IKZF2: variants seen among roughly 807,000 people sequenced by gnomAD.
The protein encoded by IKZF2 is zinc finger protein Helios.
A neutral mutation model predicts 49.2 loss-of-function variants in IKZF2; 15 were observed. The observed-to-expected ratio is 0.30, with a 90% confidence interval of 0.20 to 0.47. The LOEUF (loss-of-function observed/expected upper bound fraction) is 0.47, where lower values mean the gene tolerates loss of function less well. Ranked by LOEUF, IKZF2 falls within the 20% of genes least tolerant of loss-of-function variation. The probability of loss-of-function intolerance (pLI) is 1.00; values close to 1 mark genes in which losing one functional copy is unlikely to be tolerated. For missense variants in IKZF2, 567 were observed against 664.6 expected (o/e 0.85, Z 1.61); for synonymous variants, 227 against 221.4 (o/e 1.03, Z -0.23).
chr2:213,130,693 T>C (rs182153372), intron 4 of IKZF2, among the ~76,000 whole-genome samples: 3 of 152,318 alleles, frequency 2.0e-5, no homozygotes, highest in African/African-American at 7.2e-5. Context: ...CTACTAAAAA[T>C]ATATGGATAC....
chr2:213,012,893 A>G (rs889780763), intron 8 of IKZF2, among the ~76,000 whole-genome samples: 3 of 152,060 alleles, frequency 2.0e-5, no homozygotes, highest in Non-Finnish European at 4.4e-5. Context: ...ATAGATATAT[A>G]TACAATGAAT....
intron 4 of IKZF2, among the ~76,000 whole-genome samples, chr2:213,104,899 A>AG (rs1243833659): frequency 6.6e-6 from 1 of 152,218 alleles, no homozygotes; most frequent in African/African-American, 2.4e-5. Flanking sequence ...GAAATCAGAA[A>AG]GACATTCACA....
At chr2:213,126,288 T>A (rs1043752244) in intron 4 of IKZF2, among the ~76,000 whole-genome samples, 1 of 152,182 alleles carries the variant, frequency 6.6e-6, no homozygotes, top group African/African-American at 2.4e-5. Flanking sequence ...TTTTCCCATT[T>A]CTTCACACCC....
chr2:213,146,047 C>T (rs553179825), intron 4 of IKZF2, among the ~76,000 whole-genome samples: 1 of 152,186 alleles, frequency 6.6e-6, no homozygotes, highest in East Asian at 1.9e-4. Context: ...AACCACTTGA[C>T]AAGCATTTTC....
At chr2:213,065,733 T>C (rs1441355457) in intron 4 of IKZF2, among the ~76,000 whole-genome samples, 1 of 151,950 alleles carries the variant, frequency 6.6e-6, no homozygotes, top group Non-Finnish European at 1.5e-5. Flanking sequence ...CATACAAATA[T>C]TGAGAGTCAG....
chr2:213,050,883 A>C (rs1236213391), intron 5 of IKZF2, among the ~76,000 whole-genome samples: 4 of 152,084 alleles, frequency 2.6e-5, no homozygotes, highest in Non-Finnish European at 5.9e-5. Context: ...ATATACATGA[A>C]ATAAAATAAA....
At chr2:213,066,792 A>G (rs1702207113) in intron 4 of IKZF2, among the ~76,000 whole-genome samples, 1 of 152,088 alleles carries the variant, frequency 6.6e-6, no homozygotes, top group African/African-American at 2.4e-5. Context: ...GGATTACAGA[A>G]TGCATATAAT....
At chr2:213,060,856 C>G (rs1214654117) in intron 4 of IKZF2, among the ~76,000 whole-genome samples, 1 of 151,048 alleles carries the variant, frequency 6.6e-6, no homozygotes, top group East Asian at 1.9e-4. Flanking sequence ...GGTTTGTGAA[C>G]ACAAGGAAAG....
In IKZF2 at chr2:213,108,064, G is replaced by A. The variant is rs1176992130; in HGVS notation, c.139+39644C>T. Among the ~76,000 whole-genome samples the A allele has an allele frequency of 4.6e-5, 7 of 152,208 alleles. No individual in the cohort carries two copies. In the East Asian group the frequency reaches 7.7e-4, roughly 17 times the overall value. On this transcript the variant is annotated intron_variant, in intron 4 of 8. Transcript: ENST00000434687. ...GTCAATGTAAACTTGGGAAAAAAAC[G>A]ATTGAAATTACTATGGAGCAACCCA...
At chr2:213,146,571 T>C (rs2061067333) in intron 4 of IKZF2, among the ~76,000 whole-genome samples, 5 of 151,982 alleles carry the variant, frequency 3.3e-5, no homozygotes, top group Admixed American at 3.3e-4. Flanking sequence ...TTCAATGGTA[T>C]TCTATATAAA....
chr2:213,126,512 A>G (rs954177987), intron 4 of IKZF2, among the ~76,000 whole-genome samples: 1 of 152,212 alleles, frequency 6.6e-6, no homozygotes, highest in Non-Finnish European at 1.5e-5. Flanking sequence ...CTGACCATAT[A>G]GAGTTGGTAA....
intron 4 of IKZF2, among the ~76,000 whole-genome samples, chr2:213,136,359 G>C (rs1401513035): frequency 3.6e-5 from 4 of 112,212 alleles, no homozygotes; most frequent in African/African-American, 6.6e-5. Flanking sequence ...TGACAGAGCG[G>C]GACACTGTCT....
chr2:213,103,971 T>G (rs530448722), intron 4 of IKZF2, among the ~76,000 whole-genome samples: 40 of 152,198 alleles, frequency 2.6e-4, no homozygotes, highest in African/African-American at 9.6e-4. Flanking sequence ...TTAAAAAGAT[T>G]TTTAGTATTC....
chr2:213,125,055 C>A (rs1383867863), intron 4 of IKZF2, among the ~76,000 whole-genome samples: 1 of 152,186 alleles, frequency 6.6e-6, no homozygotes, highest in African/African-American at 2.4e-5. Flanking sequence ...ATTCAGATTT[C>A]ATTAACCCCT....
intron 2 of IKZF2, among the ~76,000 whole-genome samples, chr2:213,149,512 T>C (rs2061199036): frequency 6.6e-6 from 1 of 152,158 alleles, no homozygotes; most frequent in Non-Finnish European, 1.5e-5. Flanking sequence ...GGGAAAAAAG[T>C]TTAAGAATTG....
intron 4 of IKZF2, among the ~76,000 whole-genome samples, chr2:213,075,305 T>G (rs368268440): frequency 6.6e-6 from 1 of 152,278 alleles, no homozygotes; most frequent in African/African-American, 2.4e-5. Context: ...ATTAGCAAAC[T>G]GGCCATTGCA....
chr2:213,022,430 A>T (rs1330184523), intron 6 of IKZF2, among the ~76,000 whole-genome samples: 1 of 152,084 alleles, frequency 6.6e-6, no homozygotes. Flanking sequence ...CACTCTTAAT[A>T]CACTGACTCT....
chr2:213,069,707 A>G (rs1414224707), intron 4 of IKZF2, among the ~76,000 whole-genome samples: 2 of 152,210 alleles, frequency 1.3e-5, no homozygotes, highest in Non-Finnish European at 2.9e-5. Flanking sequence ...TGTGCCTTCC[A>G]TTTTATCTCC....
At chr2:213,053,213 A>G (rs989703470) in intron 5 of IKZF2, among the ~76,000 whole-genome samples, 4 of 152,162 alleles carry the variant, frequency 2.6e-5, no homozygotes, top group Admixed American at 2.0e-4. Context: ...AATCTAGACT[A>G]ACAAAACTGG....
Sources: gnomAD v4.1 joint callset for allele counts (sites outside exome capture counted in the v4.1 genomes callset) on GRCh38, gnomAD v4.1.1 for gene constraint, MANE v1.5 for transcripts, NCBI Gene and HGNC (gene_info 2026-07-23, HGNC 2026-07-21) for gene names.